The following KCNU1 variants were observed in gnomAD, a reference collection of about 807,000 sequenced individuals.
KCNU1 encodes the protein potassium calcium-activated channel subfamily U member 1, also known as potassium channel subfamily U member 1.
A neutral mutation model predicts 126.8 loss-of-function variants in KCNU1; 93 were observed. The ratio of observed to expected loss-of-function variants is 0.73; its 90% confidence interval spans 0.62 to 0.87. KCNU1 has a LOEUF of 0.87. Among genes scored for constraint, KCNU1 ranks in the 40% least tolerant of loss-of-function variants. KCNU1 has a pLI of 0.00. For synonymous variants in KCNU1, 523 were observed against 494.2 expected (o/e 1.06, Z -0.77); for missense variants, 1,330 against 1,367.1 (o/e 0.97, Z 0.43).
At chr8:36,918,380 A>C (rs1303146205) in intron 22 of KCNU1, among the ~76,000 whole-genome samples, 1 of 151,900 alleles carries the variant, frequency 6.6e-6, no homozygotes, top group Admixed American at 6.6e-5. Context: ...CATCTCTGCA[A>C]AGATAAAAAT....
intron 19 of KCNU1, among the ~76,000 whole-genome samples, chr8:36,894,703 T>C (rs1010351715): frequency 6.6e-6 from 1 of 152,146 alleles, no homozygotes; most frequent in Non-Finnish European, 1.5e-5. Context: ...ATGGCACAAC[T>C]ACCTGTGAAA....
intron 18 of KCNU1, among the ~76,000 whole-genome samples, chr8:36,861,290 T>G (rs1021998541): frequency 6.6e-6 from 1 of 152,222 alleles, no homozygotes; most frequent in Non-Finnish European, 1.5e-5. Context: ...CTTCTAATGG[T>G]ACAGTTGAGT....
At chr8:36,907,490 G>A (rs1807677692) in intron 20 of KCNU1, among the ~76,000 whole-genome samples, 1 of 152,042 alleles carries the variant, frequency 6.6e-6, no homozygotes, top group Non-Finnish European at 1.5e-5. Flanking sequence ...AAAACTAATC[G>A]GATTAGCTAG....
At chr8:36,860,884 G>A (rs1230675603) in intron 18 of KCNU1, among the ~76,000 whole-genome samples, 1 of 150,442 alleles carries the variant, frequency 6.6e-6, no homozygotes, top group African/African-American at 2.4e-5. Flanking sequence ...TTACTTTACA[G>A]TTTTCTTTAG....
intron 19 of KCNU1, among the ~76,000 whole-genome samples, chr8:36,899,279 T>C (rs908794330): frequency 7.5e-6 from 1 of 133,876 alleles, no homozygotes; most frequent in Non-Finnish European, 1.7e-5. Flanking sequence ...ACTTCTAAGC[T>C]AGAAGATAGA....
chr8:36,918,178 T>A (rs1808192796), intron 22 of KCNU1, among the ~76,000 whole-genome samples: 1 of 152,162 alleles, frequency 6.6e-6, no homozygotes, highest in Admixed American at 6.5e-5. Flanking sequence ...CATATCTTAA[T>A]TGTGACATCA....
chr8:36,827,645 T>C (rs1331081712), intron 10 of KCNU1, among the ~76,000 whole-genome samples: 1 of 152,176 alleles, frequency 6.6e-6, no homozygotes, highest in Non-Finnish European at 1.5e-5. Flanking sequence ...AATTTATTAT[T>C]CTTGAAAGTA....
intron 2 of KCNU1, among the ~76,000 whole-genome samples, chr8:36,799,915 C>T (rs1210211288): frequency 2.0e-5 from 3 of 152,056 alleles, no homozygotes; most frequent in Non-Finnish European, 2.9e-5. Context: ...TTCTAGTTCA[C>T]TTTCATCAGT....
At chr8:36,912,602 TTG>T (rs138894397) in intron 22 of KCNU1, among the ~76,000 whole-genome samples, 24 of 148,482 alleles carry the variant, frequency 1.6e-4, no homozygotes, top group Middle Eastern at 3.4e-3. Flanking sequence ...CACTCATCAT[TTG>T]TGTGTGTGTG....
chr8:36,910,427 T>C (rs1421955911), intron 21 of KCNU1, among the ~76,000 whole-genome samples: 1 of 151,710 alleles, frequency 6.6e-6, no homozygotes, highest in African/African-American at 2.4e-5. Flanking sequence ...TATATTAGAC[T>C]CCAACCTACC....
intron 3 of KCNU1, 45 bp from the exon 4 acceptor site, chr8:36,805,150 T>A (rs1397549646): frequency 1.4e-6 from 2 of 1,445,274 alleles, no homozygotes; most frequent in Admixed American, 3.7e-5. Flanking sequence ...TAGACACCAC[T>A]TTAAAAATGT....
At chr8:36,818,734 G>A (rs980816424) in intron 10 of KCNU1, among the ~76,000 whole-genome samples, 3 of 152,092 alleles carry the variant, frequency 2.0e-5, no homozygotes, top group Admixed American at 6.6e-5. Flanking sequence ...CCATCTTCTG[G>A]CACTGTGTAG....
At chr8:36,906,306 C>T (rs1807626583) in intron 20 of KCNU1, among the ~76,000 whole-genome samples, 1 of 151,852 alleles carries the variant, frequency 6.6e-6, no homozygotes, top group Non-Finnish European at 1.5e-5. Context: ...ACAAATATGC[C>T]TCCTAAACAC....
intron 16 of KCNU1, among the ~76,000 whole-genome samples, chr8:36,842,979 T>G (rs1805011915): frequency 1.3e-5 from 2 of 152,194 alleles, no homozygotes; most frequent in South Asian, 4.1e-4. Context: ...GCATAAGTTT[T>G]AAAGACTTAT....
chr8:36,797,632 T>C (rs1206086152), intron 2 of KCNU1, among the ~76,000 whole-genome samples: 7 of 147,394 alleles, frequency 4.7e-5, no homozygotes. Flanking sequence ...TGAATGTTTC[T>C]TCTTTTTTTT....
At chr8:36,816,239 A>C (rs1803906311) in intron 9 of KCNU1, among the ~76,000 whole-genome samples, 1 of 152,024 alleles carries the variant, frequency 6.6e-6, no homozygotes, top group African/African-American at 2.4e-5. Context: ...TTTCCTTGCC[A>C]CAGCCATGTG....
chr8:36,810,764 A>G (rs1484642009), intron 7 of KCNU1, among the ~76,000 whole-genome samples: 1 of 152,200 alleles, frequency 6.6e-6, no homozygotes, highest in Non-Finnish European at 1.5e-5. Context: ...GAAAGCAGAG[A>G]AACATTAGCA....
intron 9 of KCNU1, among the ~76,000 whole-genome samples, 180 bp downstream of exon 9, chr8:36,815,867 A>G (rs1429458684): frequency 6.6e-6 from 1 of 152,212 alleles, no homozygotes; most frequent in Non-Finnish European, 1.5e-5. Context: ...GATATTTGCT[A>G]CTTGACCCAA....
chr8:36,820,102 G>A (rs1360335023), intron 10 of KCNU1, among the ~76,000 whole-genome samples: 1 of 152,242 alleles, frequency 6.6e-6, no homozygotes, highest in African/African-American at 2.4e-5. Context: ...AGCCACTTTG[G>A]ACATTCCAGC....
Sources: allele counts gnomAD v4.1 joint callset (sites outside exome capture counted in the v4.1 genomes callset), GRCh38; gene constraint gnomAD v4.1.1; transcripts MANE v1.5; gene names NCBI Gene and HGNC (gene_info 2026-07-23, HGNC 2026-07-21).